Variants in PNMA8A observed in about 807,000 individuals in gnomAD.
The protein encoded by PNMA8A is paraneoplastic antigen-like protein 8A.
A neutral mutation model predicts 26.6 loss-of-function variants in PNMA8A; 17 were observed. The ratio of observed to expected loss-of-function variants is 0.64; its 90% CI spans 0.44 to 0.96. The LOEUF is 0.96. PNMA8A is among the 40% of genes least tolerant of loss of function. PNMA8A has a pLI of 0.00. For missense variants in PNMA8A, 532 were observed against 488.4 expected (o/e 1.09, Z -0.84); for synonymous variants, 224 against 182.0 (o/e 1.23, Z -1.86).
Position 46,469,969 on chromosome 19 carries a change from T to C in PNMA8A, c.1067A>G (p.Lys356Arg), listed in dbSNP as rs1189915157. 1 of 1,613,010 alleles carries C rather than the reference T, an allele frequency of 6.2e-7. No individual in the cohort carries two copies. The highest frequency in any genetic ancestry group is 8.5e-7 in the Non-Finnish European group (1 of 1,179,568). Reference protein sequence around the residue: ...KKKAVAWVSAKNPAPMRKKKK... With the variant: ...KKKAVAWVSARNPAPMRKKKK... ...CTTCTTCCTCATGGGAGCGGGGTTC[T>C]TGGCAGACACCCAGGCCACGGCCTT... is the stretch of plus-strand genomic sequence containing the variant. The change falls in exon 2 of 3, where the codon AAG (lysine) becomes AGG (arginine). Residue 356 changes from lysine (K) to arginine (R), a missense_variant. Transcript: ENST00000313683.
In PNMA8A at chr19:46,471,065, A is replaced by T; in HGVS notation, c.-30T>A. Reference sequence around the variant, plus strand: ...CGGCTCTGAACCTACTATGTGTAGTAAATAGTCTATCAGGTGGACGTGGGC... The same window carrying T: ...CGGCTCTGAACCTACTATGTGTAGTTAATAGTCTATCAGGTGGACGTGGGC... On this transcript the variant is annotated 5_prime_UTR_variant, in exon 2 of 3. Transcript: ENST00000313683. The T allele has an allele frequency of 1.4e-6, 1 of 720,960 alleles. No homozygotes were observed. Among genetic ancestry groups the T allele is most frequent in the South Asian group, 1.5e-5 (1 of 65,502 alleles). 44.7% of individuals were successfully genotyped at this position (720,960 alleles called of 1,614,324 possible). A position where few individuals can be genotyped will look rare whatever the true frequency, so the allele number is the denominator to read the frequency against.
Position 46,470,746 on chromosome 19 carries a change from C to T in PNMA8A, c.290G>A (p.Cys97Tyr), listed in dbSNP as rs7248888. Residue 97 changes from cysteine (C) to tyrosine (Y), a missense_variant, in exon 2 of 3, where the codon TGT becomes TAT. By Grantham distance (194) the Cys-to-Tyr change is radical (BLOSUM62 -2). Coordinates refer to ENST00000313683, the MANE Select transcript of PNMA8A (RefSeq NM_018215.4). ...CTCGGCATCCTGGGTAGGGTCTCTACAGACCACTCTCCAGACACCACCCCT... is the reference window on the plus strand; with the variant it reads ...CTCGGCATCCTGGGTAGGGTCTCTATAGACCACTCTCCAGACACCACCCCT... ...PGRGGVWRVV[C>Y]RDPTQDAEFL... 0.056 allele frequency: 46,368 copies of T among 821,202 alleles called. 1,674 individuals carry two copies. The highest frequency in any genetic ancestry group is 0.14 in the African/African-American group (8,303 of 60,000). The allele number at this position is 821,202 out of a possible 1,614,324, so 50.9% of individuals were successfully genotyped here. A position where few individuals can be genotyped will look rare whatever the true frequency, so the allele number is the denominator to read the frequency against.
At position 46,469,983 on chromosome 19, in the gene PNMA8A, G is replaced by A. The variant is rs1362762051; in HGVS notation, c.1053C>T (p.Ala351=). The change falls in exon 2 of 3, where the codon GCC becomes GCT. Residue 351 remains alanine, a synonymous_variant. Coordinates refer to ENST00000313683, the MANE Select transcript of PNMA8A (RefSeq NM_018215.4). ...HESPPKKKAV[A]WVSAKNPAPM... is the part of the protein sequence containing the mutation. ...GAGCGGGGTTCTTGGCAGACACCCA[G>A]GCCACGGCCTTCTTCTTTGGTGGGC... 1.9e-6 allele frequency: 3 copies of A among 1,609,850 alleles called. No homozygotes were observed. The highest frequency in any genetic ancestry group is 2.2e-5 in the South Asian group (2 of 90,464).
In PNMA8A at chr19:46,469,883, T is replaced by C; in HGVS notation, c.1153A>G (p.Lys385Glu). 1 of 1,614,220 alleles carries C rather than the reference T, an allele frequency of 6.2e-7. No homozygotes were observed. Among genetic ancestry groups the C allele is most frequent in the South Asian group, 1.1e-5 (1 of 91,082 alleles). The change falls in exon 2 of 3, where the codon AAG (lysine) becomes GAG (glutamate). Residue 385 changes from lysine (K) to glutamate (E), a missense_variant. Lys to Glu is a moderately conservative substitution (Grantham distance 56, BLOSUM62 1). Coordinates refer to ENST00000313683, the MANE Select transcript of PNMA8A (RefSeq NM_018215.4). ...GGCCCTTTCTTTGGCATCACCGGCTTCTTCCTGCCATCTTCTGAGTCAACC... is the reference window on the plus strand; with the variant it reads ...GGCCCTTTCTTTGGCATCACCGGCTCCTTCCTGCCATCTTCTGAGTCAACC... ...VLVDSEDGRK[K>E]PVMPKKGPGS...
In PNMA8A at chr19:46,467,062, G is replaced by A. The variant is rs1017937917; in HGVS notation, c.*1499C>T. The A allele has an allele frequency of 1.3e-5, 2 of 152,108 alleles. No individual in the cohort carries two copies. Among genetic ancestry groups the A allele is most frequent in the African/African-American group, 4.8e-5 (2 of 41,402 alleles). The allele number at this position is 152,108 out of a possible 1,614,324, so 9.4% of individuals were successfully genotyped here. Reference sequence around the variant, plus strand: ...AGGAATTTCTTCCACTTCTAACCTCGCTCATCAGTCACATTTACAAGAAAC... The same window carrying A: ...AGGAATTTCTTCCACTTCTAACCTCACTCATCAGTCACATTTACAAGAAAC... On this transcript the variant is annotated 3_prime_UTR_variant, in exon 3 of 3. Coordinates refer to ENST00000313683, the MANE Select transcript of PNMA8A (RefSeq NM_018215.4).
chr19:46,471,284 G>A (rs1969789943), intron 1 of PNMA8A, 53 bp downstream of exon 1: 1 of 390,398 alleles, frequency 2.6e-6, no homozygotes, highest in African/African-American at 2.0e-5. Context: ...GCAGCAAAAG[G>A]CCCTAGGACC....
chr19:46,471,087 G>C lies in PNMA8A; in HGVS notation c.-52C>G. ...AGTAAATAGTCTATCAGGTGGACGT[G>C]GGCTGCAGCGGTCTCCAAACAGTAA... On this transcript the variant is annotated 5_prime_UTR_variant, in exon 2 of 3. Transcript: ENST00000313683. 1 of 683,104 alleles carries C rather than the reference G, an allele frequency of 1.5e-6. No homozygotes were observed. Among genetic ancestry groups the C allele is most frequent in the Non-Finnish European group, 2.7e-6 (1 of 372,648 alleles). 42.3% of individuals were successfully genotyped at this position (683,104 alleles called of 1,614,324 possible).
Position 46,468,400 on chromosome 19 carries a change from C to T in PNMA8A, c.*161G>A. The T allele has an allele frequency of 1.7e-6, 1 of 596,862 alleles. No homozygotes were observed. The highest frequency in any genetic ancestry group is 2.9e-5 in the South Asian group (1 of 34,330). 37.0% of individuals were successfully genotyped at this position (596,862 alleles called of 1,614,324 possible). On this transcript the variant is annotated 3_prime_UTR_variant, in exon 3 of 3. Coordinates refer to ENST00000313683, the MANE Select transcript of PNMA8A (RefSeq NM_018215.4). ...AGATCCACCTCCCTTCCCCAACTCC[C>T]TCCCACCCAAGACCTCACCTATCGT...
At position 46,468,451 on chromosome 19, in the gene PNMA8A, A is replaced by T. The variant is rs1969737294; in HGVS notation, c.*110T>A. The T allele has an allele frequency of 1.0e-6, 1 of 987,510 alleles. No homozygotes were observed. The highest frequency in any genetic ancestry group is 1.8e-5 in the Admixed American group (1 of 55,778). 61.2% of individuals were successfully genotyped at this position (987,510 alleles called of 1,614,324 possible). ...TTACCTCAGGGCCAGATCTCTATCA[A>T]CAGGGGCCCTAAGAGAGTCCAAAGT... On this transcript the variant is annotated 3_prime_UTR_variant, in exon 3 of 3. Transcript: ENST00000313683.
chr19:46,468,315 G>A lies in PNMA8A; in HGVS notation c.*246C>T, dbSNP rs758868085. The A allele has an allele frequency of 4.5e-5, 22 of 484,650 alleles. No homozygotes were observed. Among genetic ancestry groups the A allele is most frequent in the Admixed American group, 6.6e-5 (2 of 30,424 alleles). 30.0% of individuals were successfully genotyped at this position (484,650 alleles called of 1,614,324 possible). A position where few individuals can be genotyped will look rare whatever the true frequency, so the allele number is the denominator to read the frequency against. On this transcript the variant is annotated 3_prime_UTR_variant, in exon 3 of 3. Coordinates refer to ENST00000313683, the MANE Select transcript of PNMA8A (RefSeq NM_018215.4). ...TCCTCTTACCAACTCTCCTGCCTCC[G>A]AAGAGAAGGTGAGTAGAGAAGGCGG... is the stretch of plus-strand genomic sequence containing the variant.
rs1445428833 is a variant in PNMA8A at position 46,470,327 on chromosome 19, C to A, written c.709G>T (p.Ala237Ser). The A allele has an allele frequency of 6.2e-7, 1 of 1,613,988 alleles. No individual in the cohort carries two copies. The change falls in exon 2 of 3, where the codon GCT (alanine) becomes TCT (serine). Residue 237 changes from alanine to serine, a missense_variant. Coordinates refer to ENST00000313683, the MANE Select transcript of PNMA8A (RefSeq NM_018215.4). Reference protein sequence around the residue: ...PTKPLVRRAGAKSRSRRKKQK... With the variant: ...PTKPLVRRAGSKSRSRRKKQK... ...TTCTTTCTCCTGGAGCGAGACTTAG[C>A]TCCAGCCCTGCGAACCAAAGGTTTG... is the stretch of plus-strand genomic sequence containing the variant.
rs531033574 is a variant in PNMA8A, at chr19:46,467,620, G to A, written c.*941C>T. 2.6e-5 allele frequency: 4 copies of A among 152,276 alleles called. No homozygotes were observed. In the South Asian group the frequency reaches 8.3e-4, roughly 32 times the overall value. The allele number at this position is 152,276 out of a possible 1,614,324, so 9.4% of individuals were successfully genotyped here. On this transcript the variant is annotated 3_prime_UTR_variant, in exon 3 of 3. Transcript: ENST00000313683. ...GGGTTTCACCATGTTGGTCAAGCTG[G>A]TCTTAAACGCCTGACCTCGTGATCG...
rs757113275 is a variant in PNMA8A at position 46,469,526 on chromosome 19, G to A, written c.1303+207C>T. Among the ~76,000 whole-genome samples, 8 of 152,184 alleles carry A rather than the reference G, an allele frequency of 5.3e-5. No individual in the cohort carries two copies. The East Asian group carries it at 7.7e-4, about 15-fold the overall frequency. On this transcript the variant is annotated intron_variant, in intron 2 of 2. Coordinates refer to ENST00000313683, the MANE Select transcript of PNMA8A (RefSeq NM_018215.4). The stretch of plus-strand genomic sequence containing the variant: ...CTGCCCACCAGATGTCTCCAGCATC[G>A]GCCTTCAGGGGCTCCTGGAAGGGCG...
chr19:46,468,399 C>T lies in PNMA8A; in HGVS notation c.*162G>A. 1.7e-6 allele frequency: 1 copy of T among 588,670 alleles called. No individual in the cohort carries two copies. The allele number at this position is 588,670 out of a possible 1,614,324, so 36.5% of individuals were successfully genotyped here. A position where few individuals can be genotyped will look rare whatever the true frequency, so the allele number is the denominator to read the frequency against. ...GAGATCCACCTCCCTTCCCCAACTCCCTCCCACCCAAGACCTCACCTATCG... is the reference window on the plus strand; with the variant it reads ...GAGATCCACCTCCCTTCCCCAACTCTCTCCCACCCAAGACCTCACCTATCG... On this transcript the variant is annotated 3_prime_UTR_variant, in exon 3 of 3. Coordinates refer to ENST00000313683, the MANE Select transcript of PNMA8A (RefSeq NM_018215.4).
Position 46,469,885 on chromosome 19 carries a change from T to C in PNMA8A, c.1151A>G (p.Lys384Arg). 1.2e-6 allele frequency: 2 copies of C among 1,614,236 alleles called. No homozygotes were observed. Among genetic ancestry groups the C allele is most frequent in the Non-Finnish European group, 1.7e-6 (2 of 1,180,036 alleles). The change falls in exon 2 of 3, where the codon AAG becomes AGG. Residue 384 changes from lysine to arginine, a missense_variant. Transcript: ENST00000313683. Reference sequence around the variant, plus strand: ...CCCTTTCTTTGGCATCACCGGCTTCTTCCTGCCATCTTCTGAGTCAACCAA... The same window carrying C: ...CCCTTTCTTTGGCATCACCGGCTTCCTCCTGCCATCTTCTGAGTCAACCAA... ...YVLVDSEDGR[K>R]KPVMPKKGPG...
chr19:46,468,394 A>C lies in PNMA8A; in HGVS notation c.*167T>G. The C allele has an allele frequency of 4.9e-5, 27 of 551,704 alleles. No homozygotes were observed. Among genetic ancestry groups the C allele is most frequent in the East Asian group, 1.1e-4 (4 of 35,436 alleles). The allele number at this position is 551,704 out of a possible 1,614,324, so 34.2% of individuals were successfully genotyped here. A position where few individuals can be genotyped will look rare whatever the true frequency, so the allele number is the denominator to read the frequency against. On this transcript the variant is annotated 3_prime_UTR_variant, in exon 3 of 3. Transcript: ENST00000313683. ...GCATAGAGATCCACCTCCCTTCCCCAACTCCCTCCCACCCAAGACCTCACC... is the reference window on the plus strand; with the variant it reads ...GCATAGAGATCCACCTCCCTTCCCCCACTCCCTCCCACCCAAGACCTCACC...
In PNMA8A at chr19:46,470,736, A is replaced by G. The variant is rs749544064; in HGVS notation, c.300T>C (p.Pro100=). The G allele has an allele frequency of 9.3e-6, 8 of 864,408 alleles. No homozygotes were observed. The African/African-American group carries it at 9.9e-5, about 11-fold the overall frequency. 53.5% of individuals were successfully genotyped at this position (864,408 alleles called of 1,614,324 possible). A position where few individuals can be genotyped will look rare whatever the true frequency, so the allele number is the denominator to read the frequency against. Residue 100 remains proline, a synonymous_variant, in exon 2 of 3, where the codon CCT becomes CCC. Coordinates refer to ENST00000313683, the MANE Select transcript of PNMA8A (RefSeq NM_018215.4). ...TTTTTAAAAACTCGGCATCCTGGGT[A>G]GGGTCTCTACAGACCACTCTCCAGA... ...GGVWRVVCRD[P]TQDAEFLKNL... is the part of the protein sequence containing the mutation.
Position 46,469,951 on chromosome 19 carries a change from C to T in PNMA8A, c.1085G>A (p.Arg362Lys). The T allele has an allele frequency of 6.2e-7, 1 of 1,613,874 alleles. No homozygotes were observed. The highest frequency in any genetic ancestry group is 8.5e-7 in the Non-Finnish European group (1 of 1,179,896). Residue 362 changes from arginine to lysine, a missense_variant, in exon 2 of 3, where the codon AGG becomes AAG. By Grantham distance (26) the Arg-to-Lys change is conservative. Transcript: ENST00000313683. ...GCCCAAGCTCACCTTCTTCTTCTTCCTCATGGGAGCGGGGTTCTTGGCAGA... is the reference window on the plus strand; with the variant it reads ...GCCCAAGCTCACCTTCTTCTTCTTCTTCATGGGAGCGGGGTTCTTGGCAGA... Reference protein sequence around the residue: ...WVSAKNPAPMRKKKKVSLGPV... With the variant: ...WVSAKNPAPMKKKKKVSLGPV...
rs1325478314 is a variant in PNMA8A at position 46,468,290 on chromosome 19, T to C, written c.*271A>G. 2 of 471,768 alleles carry C rather than the reference T, an allele frequency of 4.2e-6. No individual in the cohort carries two copies. Among genetic ancestry groups the C allele is most frequent in the Non-Finnish European group, 7.6e-6 (2 of 264,374 alleles). The allele number at this position is 471,768 out of a possible 1,614,324, so 29.2% of individuals were successfully genotyped here. A position where few individuals can be genotyped will look rare whatever the true frequency, so the allele number is the denominator to read the frequency against. ...AATGAATGTTCTAGAATTTTCCCAA[T>C]CCTCTTACCAACTCTCCTGCCTCCG... On this transcript the variant is annotated 3_prime_UTR_variant, in exon 3 of 3. Coordinates refer to ENST00000313683, the MANE Select transcript of PNMA8A (RefSeq NM_018215.4).
Sources: gnomAD v4.1 joint callset for allele counts (sites outside exome capture counted in the v4.1 genomes callset) on GRCh38, gnomAD v4.1.1 for gene constraint, MANE v1.5 for transcripts, NCBI Gene and HGNC (gene_info 2026-07-23, HGNC 2026-07-21) for gene names.